Variants in MUC13 observed in about 807,000 individuals in gnomAD.
MUC13 encodes the protein mucin-13.
In MUC13, 32 loss-of-function variants were observed where a neutral mutation model predicts 48.3. The ratio of observed to expected loss-of-function variants is 0.66; its 90% confidence interval spans 0.50 to 0.89. The LOEUF is 0.89. Ranked by LOEUF, MUC13 falls within the 40% of genes least tolerant of loss-of-function variation. The pLI is 0.00. For synonymous variants in MUC13, 199 were observed against 224.9 expected, an observed-to-expected ratio of 0.88 and a Z score of 1.03; for missense variants, 571 against 622.8, an observed-to-expected ratio of 0.92 and a Z score of 0.88.
chr3:124,932,128 C>T (rs1280443251), intron 1 of MUC13, among the ~76,000 whole-genome samples: 1 of 152,132 alleles, frequency 6.6e-6, no homozygotes, highest in Non-Finnish European at 1.5e-5. Context: ...ATTAATATAT[C>T]TGGAGGTAGA....
At position 124,916,832 on chromosome 3, in the gene MUC13, T is replaced by C. The variant is rs142793720; in HGVS notation, c.801-352A>G. Among the ~76,000 whole-genome samples, 32 of 152,244 alleles carry C rather than the reference T, an allele frequency of 2.1e-4. No individual in the cohort carries two copies. The East Asian group carries it at 2.5e-3, about 12-fold the overall frequency. The stretch of plus-strand genomic sequence containing the variant: ...AACAAGTAATACCTGAAATGGGAAA[T>C]TGTCACTTTCTGTAGGACAGCAGCT... On this transcript the variant is annotated intron_variant, in intron 5 of 11. Transcript: ENST00000616727.
intron 1 of MUC13, among the ~76,000 whole-genome samples, chr3:124,929,697 C>T (rs951048783): frequency 9.2e-5 from 14 of 152,314 alleles, no homozygotes; most frequent in African/African-American, 2.9e-4. Flanking sequence ...TGGCCCTGTG[C>T]CCGACTGTAC....
intron 3 of MUC13, among the ~76,000 whole-genome samples, chr3:124,923,102 GA>G (rs60674640): frequency 7.1e-5 from 10 of 141,644 alleles, no homozygotes; most frequent in African/African-American, 2.6e-4. Flanking sequence ...TCATAAAACA[GA>G]AAAAAAAAAA....
chr3:124,927,919 C>G lies in MUC13; in HGVS notation c.127G>C (p.Ala43Pro). 6.2e-7 allele frequency: 1 copy of G among 1,607,236 alleles called. No individual in the cohort carries two copies. The highest frequency in any genetic ancestry group is 8.5e-7 in the Non-Finnish European group (1 of 1,176,810). ...GGGAAATTAGTTTCAGTGGTATCAG[C>G]TGCAGCTACTGTAGGACCACTAGTC... ...TATSGPTVAA[A>P]DTTETNFPET... Residue 43 changes from alanine to proline, a missense_variant, in exon 2 of 12, where the codon GCT becomes CCT. Coordinates refer to ENST00000616727, the MANE Select transcript of MUC13 (RefSeq NM_033049.4).
chr3:124,916,727 G>T (rs921742181), intron 5 of MUC13, among the ~76,000 whole-genome samples: 5 of 152,130 alleles, frequency 3.3e-5, no homozygotes, highest in Non-Finnish European at 7.3e-5. Flanking sequence ...GAAAACTTAG[G>T]AAAATTGTGG....
At position 124,927,831 on chromosome 3, in the gene MUC13, G is replaced by C; in HGVS notation, c.215C>G (p.Pro72Arg). 6.2e-7 allele frequency: 1 copy of C among 1,614,082 alleles called. No individual in the cohort carries two copies. The highest frequency in any genetic ancestry group is 8.5e-7 in the Non-Finnish European group (1 of 1,180,024). ...SFPTATSPAP[P>R]IISTHSSSTI... ...GGAGGAACTATGTGTACTAATTATG[G>C]GGGGAGCAGGTGAAGTAGCTGTTGG... Residue 72 changes from proline (P) to arginine (R), a missense_variant, in exon 2 of 12, where the codon CCC becomes CGC. Pro to Arg is a moderately radical substitution (Grantham distance 103). Coordinates refer to ENST00000616727, the MANE Select transcript of MUC13 (RefSeq NM_033049.4).
Position 124,913,192 on chromosome 3 carries a change from C to T in MUC13, c.1133G>A (p.Cys378Tyr). 1 of 1,614,130 alleles carries T rather than the reference C, an allele frequency of 6.2e-7. No individual in the cohort carries two copies. Residue 378 changes from cysteine to tyrosine, a missense_variant, in exon 8 of 12, where the codon TGC becomes TAC. Coordinates refer to ENST00000616727, the MANE Select transcript of MUC13 (RefSeq NM_033049.4). ...GGCCCCACCACTCTTCTTTATTAAG[C>T]ATTGCTTGTGCTGTGCGTTGCAGGC... The part of the protein sequence containing the change: ...PDACNAQHKQ[C>Y]LIKKSGGAPE...
Position 124,927,862 on chromosome 3 carries a change from A to C in MUC13, c.184T>G (p.Ser62Ala). The change falls in exon 2 of 12, where the codon TCT (serine) becomes GCT (alanine). Residue 62 changes from serine to alanine, a missense_variant. Ser to Ala is a moderately conservative substitution (Grantham distance 99). Coordinates refer to ENST00000616727, the MANE Select transcript of MUC13 (RefSeq NM_033049.4). ...ETASTTANTP[S>A]FPTATSPAPP... is the part of the protein sequence containing the mutation. ...GCAGGTGAAGTAGCTGTTGGGAAAG[A>C]AGGTGTATTTGCTGTGGTGCTAGCA... The C allele has an allele frequency of 6.2e-7, 1 of 1,610,790 alleles. No homozygotes were observed. Among genetic ancestry groups the C allele is most frequent in the African/African-American group, 1.4e-5 (1 of 72,002 alleles).
At chr3:124,930,298 A>G (rs546166488) in intron 1 of MUC13, among the ~76,000 whole-genome samples, 1 of 152,342 alleles carries the variant, frequency 6.6e-6, no homozygotes, top group South Asian at 2.1e-4. Context: ...ATTAGTTTTA[A>G]TAAATGAGAC....
At chr3:124,934,619 C>A in intron 1 of MUC13, 42 bp downstream of exon 1, 1 of 1,401,692 alleles carries the variant, frequency 7.1e-7, no homozygotes, top group Non-Finnish European at 1.0e-6. Context: ...TCAAAGACAA[C>A]ATACATGATT....
chr3:124,912,223 T>C, intron 8 of MUC13, 82 bp from the exon 9 acceptor site: 1 of 1,561,354 alleles, frequency 6.4e-7, no homozygotes, highest in Non-Finnish European at 8.7e-7. Flanking sequence ...AATCTCCACC[T>C]CTTCCTTTCC....
chr3:124,921,078 A>G (rs1018178352), intron 4 of MUC13, among the ~76,000 whole-genome samples: 6 of 152,166 alleles, frequency 3.9e-5, no homozygotes, highest in African/African-American at 1.4e-4. Flanking sequence ...TCTAATAGTG[A>G]TATAATTTCA....
chr3:124,916,557 G>A (rs4679164), intron 5 of MUC13, 77 bp from the exon 6 acceptor site: 299,356 of 1,452,478 alleles, frequency 0.21, 31,525 homozygotes, highest in South Asian at 0.23. Context: ...CCAGACTCCC[G>A]AATCTCCCGG....
At chr3:124,913,874 C>T (rs183354297) in intron 6 of MUC13, among the ~76,000 whole-genome samples, 193 bp from the exon 7 acceptor site, 1 of 152,150 alleles carries the variant, frequency 6.6e-6, no homozygotes, top group East Asian at 1.9e-4. Context: ...CCTAGGAGTT[C>T]AAGACCAGCC....
intron 2 of MUC13, among the ~76,000 whole-genome samples, chr3:124,925,854 A>G (rs930139645): frequency 6.6e-6 from 1 of 152,140 alleles, no homozygotes; most frequent in Non-Finnish European, 1.5e-5. Flanking sequence ...AGCTCAAGCA[A>G]TTCACCCACC....
At chr3:124,907,208 A>T (rs1935333247) in intron 11 of MUC13, among the ~76,000 whole-genome samples, 1 of 152,088 alleles carries the variant, frequency 6.6e-6, no homozygotes, top group South Asian at 2.1e-4. Context: ...GGGTCTCATT[A>T]TTTGCCCAGG....
At chr3:124,929,218 C>T (rs1935751127) in intron 1 of MUC13, among the ~76,000 whole-genome samples, 1 of 146,966 alleles carries the variant, frequency 6.8e-6, no homozygotes, top group South Asian at 2.1e-4. Flanking sequence ...TTCTGTCACA[C>T]ATGCTGGAGT....
At chr3:124,920,052 G>T (rs1025538530) in intron 5 of MUC13, 182 bp downstream of exon 5, 5 of 655,594 alleles carry the variant, frequency 7.6e-6, no homozygotes, top group Non-Finnish European at 1.3e-5. Context: ...CAGAGTTGGG[G>T]TGACATCAGA....
chr3:124,924,040 C>G (rs538198128), intron 2 of MUC13, among the ~76,000 whole-genome samples: 1 of 152,190 alleles, frequency 6.6e-6, no homozygotes, highest in East Asian at 1.9e-4. Flanking sequence ...GATAAAACAT[C>G]TTATTTTTAG....
Sources: gnomAD v4.1 joint callset for allele counts (sites outside exome capture counted in the v4.1 genomes callset) on GRCh38, gnomAD v4.1.1 for gene constraint, MANE v1.5 for transcripts, NCBI Gene and HGNC (gene_info 2026-07-23, HGNC 2026-07-21) for gene names.